ZNF385B: variants seen among roughly 807,000 people sequenced by gnomAD.
ZNF385B encodes zinc finger protein 533.
In ZNF385B, 23 loss-of-function variants were observed where a neutral mutation model predicts 39.2. The ratio of observed to expected loss-of-function variants is 0.59; its 90% CI spans 0.42 to 0.83. The LOEUF (loss-of-function observed/expected upper bound fraction) is 0.83. Among genes scored for constraint, ZNF385B ranks in the 40% least tolerant of loss-of-function variants. The pLI is 0.00. For synonymous variants in ZNF385B, 205 were observed against 222.6 expected, an observed-to-expected ratio of 0.92 and a Z score of 0.70; for missense variants, 552 against 598.9, an observed-to-expected ratio of 0.92 and a Z score of 0.82.
intron 1 of ZNF385B, among the ~76,000 whole-genome samples, chr2:179,856,708 A>T (rs571303182): frequency 1.0e-3 from 156 of 152,154 alleles, no homozygotes; most frequent in African/African-American, 3.6e-3. Context: ...GGAAATGAGA[A>T]GGAATATTTA....
chr2:179,508,756 T>C (rs6734195), intron 5 of ZNF385B, among the ~76,000 whole-genome samples: 108,352 of 152,002 alleles, frequency 0.71, 39,736 homozygotes, highest in East Asian at 0.91. Context: ...TTTTCTTTTT[T>C]TCATAACATC....
chr2:179,698,785 C>T (rs1018399544), intron 3 of ZNF385B, among the ~76,000 whole-genome samples: 3 of 152,130 alleles, frequency 2.0e-5, no homozygotes, highest in African/African-American at 7.2e-5. Context: ...ATCTCCTTCT[C>T]TGACTAAAGT....
In ZNF385B at chr2:179,443,430, C is replaced by G. The variant is rs770091845; in HGVS notation, c.1281G>C (p.Leu427Phe). 23 of 1,608,716 alleles carry G rather than the reference C, an allele frequency of 1.4e-5. No individual in the cohort carries two copies. Among genetic ancestry groups the G allele is most frequent in the Non-Finnish European group, 2.0e-5 (23 of 1,177,580 alleles). ...GAGGTGAGGACAGGAAGGCTGGGGC[C>G]AAAGGCTTCATCATATCTTTCTGGA... is the stretch of plus-strand genomic sequence containing the variant. ...LAFQKDMMKP[L>F]APAFLSSPLA... is the part of the protein sequence containing the mutation. Residue 427 changes from leucine (L) to phenylalanine (F), a missense_variant, in exon 10 of 10, where the codon TTG (leucine) becomes TTC (phenylalanine). Physicochemically the swap from Leu to Phe is conservative, Grantham distance 22 (BLOSUM62 0). Coordinates refer to ENST00000410066, the MANE Select transcript of ZNF385B (RefSeq NM_152520.6).
At chr2:179,493,428 T>C (rs28594864) in intron 5 of ZNF385B, among the ~76,000 whole-genome samples, 1 of 151,588 alleles carries the variant, frequency 6.6e-6, no homozygotes, top group Non-Finnish European at 1.5e-5. Context: ...CATGTGTACA[T>C]ATATGTACGT....
At chr2:179,805,645 TA>T (rs1225609512) in intron 1 of ZNF385B, among the ~76,000 whole-genome samples, 1 of 152,218 alleles carries the variant, frequency 6.6e-6, no homozygotes, top group African/African-American at 2.4e-5. Context: ...TCCTTATTTA[TA>T]AAATGGAAAT....
rs1035748860 is a variant in ZNF385B, at chr2:179,443,486, C to T, written c.1243-18G>A. On this transcript the variant is annotated intron_variant, in intron 9 of 9. Coordinates refer to ENST00000410066, the MANE Select transcript of ZNF385B (RefSeq NM_152520.6). ...AGTTTTGCCTAAGGGAGGGAGAAAA[C>T]CAGGAATGGGGTGGAGATCCTGTTT... 6.4e-7 allele frequency: 1 copy of T among 1,565,554 alleles called. No individual in the cohort carries two copies.
At chr2:179,809,416 G>A (rs908878497) in intron 1 of ZNF385B, among the ~76,000 whole-genome samples, 1 of 152,174 alleles carries the variant, frequency 6.6e-6, no homozygotes, top group East Asian at 1.9e-4. Context: ...TGCAAACATA[G>A]TAATGCCCCA....
intron 5 of ZNF385B, among the ~76,000 whole-genome samples, chr2:179,504,328 A>G (rs2057049284): frequency 6.6e-6 from 1 of 151,888 alleles, no homozygotes; most frequent in East Asian, 1.9e-4. Context: ...ATAATGCCGC[A>G]ATAAACATAC....
chr2:179,524,270 C>T (rs2058713724), intron 4 of ZNF385B, among the ~76,000 whole-genome samples: 1 of 151,888 alleles, frequency 6.6e-6, no homozygotes, highest in South Asian at 2.1e-4. Context: ...AATTTAAAGT[C>T]GGCCGGGCAC....
chr2:179,666,823 C>T (rs1014169532), intron 3 of ZNF385B, among the ~76,000 whole-genome samples: 2 of 152,180 alleles, frequency 1.3e-5, no homozygotes, highest in Non-Finnish European at 2.9e-5. Context: ...CATTTGCTCA[C>T]ATATTTCTCT....
chr2:179,758,567 G>T (rs1559167846), intron 3 of ZNF385B, among the ~76,000 whole-genome samples: 1 of 152,228 alleles, frequency 6.6e-6, no homozygotes, highest in Non-Finnish European at 1.5e-5. Flanking sequence ...GAATTTTAGA[G>T]AGACACAAAC....
chr2:179,850,870 A>G (rs765903984), intron 1 of ZNF385B, among the ~76,000 whole-genome samples: 2 of 152,134 alleles, frequency 1.3e-5, no homozygotes, highest in Admixed American at 6.5e-5. Context: ...GACTCTTAAA[A>G]ATCCATCCCA....
At chr2:179,805,462 GGT>G (rs1706291769) in intron 1 of ZNF385B, among the ~76,000 whole-genome samples, 1 of 152,132 alleles carries the variant, frequency 6.6e-6, no homozygotes. Context: ...TCCTGGACAG[GGT>G]AGGTATTTCT....
At chr2:179,588,203 C>G (rs1043418209) in intron 3 of ZNF385B, among the ~76,000 whole-genome samples, 1 of 152,152 alleles carries the variant, frequency 6.6e-6, no homozygotes, top group Non-Finnish European at 1.5e-5. Context: ...ATTCTCCTGC[C>G]TCAGCCTCCC....
At chr2:179,736,955 C>T (rs886800943) in intron 3 of ZNF385B, among the ~76,000 whole-genome samples, 2 of 152,152 alleles carry the variant, frequency 1.3e-5, no homozygotes, top group African/African-American at 2.4e-5. Context: ...GGCGACAGAG[C>T]GAGGCTCCGT....
intron 6 of ZNF385B, among the ~76,000 whole-genome samples, chr2:179,478,727 T>C (rs1010804088): frequency 3.3e-5 from 5 of 152,210 alleles, no homozygotes; most frequent in African/African-American, 1.2e-4. Context: ...AAAAATCCAA[T>C]GCGAAAGCCC....
In ZNF385B at chr2:179,518,585, G is replaced by A. The variant is rs749506759; in HGVS notation, c.495C>T (p.Pro165=). The A allele has an allele frequency of 2.5e-6, 4 of 1,608,802 alleles. No homozygotes were observed. Among genetic ancestry groups the A allele is most frequent in the South Asian group, 2.2e-5 (2 of 90,084 alleles). ...VINHTFGVSI[P]PKKKQVISCN... The stretch of plus-strand genomic sequence containing the variant: ...AAGAAATAACTTGTTTCTTCTTTGG[G>A]GGAATGGATACTCCAAATGTATGGT... The change falls in exon 5 of 10, where the codon CCC becomes CCT. Residue 165 remains proline (P), a synonymous_variant. Transcript: ENST00000410066.
chr2:179,524,425 G>A (rs1574603181), intron 4 of ZNF385B, among the ~76,000 whole-genome samples: 3 of 151,434 alleles, frequency 2.0e-5, no homozygotes, highest in Middle Eastern at 3.4e-3. Flanking sequence ...GGTGGTGGGC[G>A]CCTGTAGTCC....
chr2:179,687,466 T>C (rs919446823), intron 3 of ZNF385B, among the ~76,000 whole-genome samples: 2 of 152,296 alleles, frequency 1.3e-5, no homozygotes, highest in South Asian at 4.1e-4. Flanking sequence ...CTAACTGGCT[T>C]GCATTACTTC....
Sources: allele counts gnomAD v4.1 joint callset (sites outside exome capture counted in the v4.1 genomes callset), GRCh38; gene constraint gnomAD v4.1.1; transcripts MANE v1.5; gene names NCBI Gene and HGNC (gene_info 2026-07-23, HGNC 2026-07-21).